The following DDR2 variants were observed in gnomAD, a reference collection of about 807,000 sequenced individuals.
The protein encoded by DDR2 is discoidin domain-containing receptor 2.
A neutral mutation model predicts 94.9 loss-of-function variants in DDR2; 27 were observed. That is an observed-to-expected ratio of 0.28 (90% CI 0.21 to 0.39). DDR2 has a LOEUF of 0.39. DDR2 is among the 10% of genes least tolerant of loss of function. The probability of loss-of-function intolerance (pLI) is 1.00; values close to 1 mark genes in which losing one functional copy is unlikely to be tolerated. For missense variants in DDR2, 783 were observed against 1,076.0 expected, an observed-to-expected ratio of 0.73 and a Z score of 3.81; for synonymous variants, 382 against 377.2, an observed-to-expected ratio of 1.01 and a Z score of -0.15.
rs746222605 is a variant in DDR2, at chr1:162,770,659, C to G, written c.1504+147C>G. On this transcript the variant is annotated intron_variant, in intron 12 of 17. Coordinates refer to ENST00000367921, the MANE Select transcript of DDR2 (RefSeq NM_006182.4). ...TCCACATTCTCTTTCTAGATTTGGT[C>G]TGCCGCTGCTCCTGGCCTAATTTGA... The G allele has an allele frequency of 3.5e-5, 30 of 848,872 alleles. No homozygotes were observed. In the South Asian group the frequency reaches 4.2e-4, roughly 12 times the overall value. 52.6% of individuals were successfully genotyped at this position (848,872 alleles called of 1,614,324 possible).
chr1:162,755,966 C>T (rs1423441259), intron 7 of DDR2, among the ~76,000 whole-genome samples, 197 bp downstream of exon 7: 1 of 152,098 alleles, frequency 6.6e-6, no homozygotes, highest in Non-Finnish European at 1.5e-5. Flanking sequence ...TTTGGGAAGA[C>T]AAGTTAATTA....
chr1:162,780,399 C>G lies in DDR2; in HGVS notation c.*153C>G. On this transcript the variant is annotated 3_prime_UTR_variant, in exon 18 of 18. Transcript: ENST00000367921. Reference sequence around the variant, plus strand: ...CCTCTTTTCCTGGTCACCCCCACTCCCTACCCCTGACTCATATACACTTTT... The same window carrying G: ...CCTCTTTTCCTGGTCACCCCCACTCGCTACCCCTGACTCATATACACTTTT... 8.9e-7 allele frequency: 1 copy of G among 1,124,956 alleles called. No homozygotes were observed. The highest frequency in any genetic ancestry group is 1.6e-5 in the African/African-American group (1 of 63,258). The allele number at this position is 1,124,956 out of a possible 1,614,324, so 69.7% of individuals were successfully genotyped here. A position where few individuals can be genotyped will look rare whatever the true frequency, so the allele number is the denominator to read the frequency against.
At chr1:162,762,006 A>G (rs1663770024) in intron 9 of DDR2, among the ~76,000 whole-genome samples, 1 of 152,212 alleles carries the variant, frequency 6.6e-6, no homozygotes, top group Non-Finnish European at 1.5e-5. Context: ...CCATGATAAC[A>G]TCTAACAACC....
intron 1 of DDR2, among the ~76,000 whole-genome samples, chr1:162,640,818 A>G (rs997168617): frequency 1.3e-5 from 2 of 152,228 alleles, no homozygotes; most frequent in African/African-American, 4.8e-5. Flanking sequence ...TCTTCAAATT[A>G]TAATAACTAT....
At position 162,742,606 on chromosome 1, in the gene DDR2, T is replaced by C. The variant is rs76151634; in HGVS notation, c.83-10489T>C. Among the ~76,000 whole-genome samples, 765 of 148,898 alleles carry C rather than the reference T, an allele frequency of 5.1e-3. 7 individuals are homozygous for C. The highest frequency in any genetic ancestry group is 0.019 in the African/African-American group (743 of 39,968). ...CCCATGATCCAAACACCCTACCTCC[T>C]CTCCCACCCACCAGCCCCCACCTCC... is the stretch of plus-strand genomic sequence containing the variant. On this transcript the variant is annotated intron_variant, in intron 3 of 17. Transcript: ENST00000367921.
At chr1:162,694,609 G>A (rs989713823) in intron 2 of DDR2, among the ~76,000 whole-genome samples, 1 of 152,012 alleles carries the variant, frequency 6.6e-6, no homozygotes, top group Non-Finnish European at 1.5e-5. Context: ...AGCCTCCCAT[G>A]AAACTCTAAG....
rs754528011 is a variant in DDR2 at position 162,725,226 on chromosome 1, A to G, written c.82+6081A>G. 2.2e-4 allele frequency among the ~76,000 whole-genome samples: 34 copies of G among 152,344 alleles called. 1 individual carries two copies. Among genetic ancestry groups the G allele is most frequent in the Middle Eastern group, 6.8e-3 (2 of 294 alleles). ...AGAGGAGAAAGTGAGGCCAAGAAACATTAGGTAACTCATAGCAGGTTACAG... is the reference window on the plus strand; with the variant it reads ...AGAGGAGAAAGTGAGGCCAAGAAACGTTAGGTAACTCATAGCAGGTTACAG... On this transcript the variant is annotated intron_variant, in intron 3 of 17. Transcript: ENST00000367921.
At chr1:162,678,375 G>A (rs1242657184) in intron 2 of DDR2, among the ~76,000 whole-genome samples, 3 of 152,214 alleles carry the variant, frequency 2.0e-5, no homozygotes, top group Non-Finnish European at 4.4e-5. Flanking sequence ...GCATGACGCA[G>A]AGTAAACACG....
At chr1:162,692,379 C>T (rs1206002749) in intron 2 of DDR2, among the ~76,000 whole-genome samples, 1 of 152,132 alleles carries the variant, frequency 6.6e-6, no homozygotes. Context: ...AAGGAAAAGG[C>T]AAACAATGGA....
At position 162,760,969 on chromosome 1, in the gene DDR2, TA is replaced by T. The variant is rs906462567; in HGVS notation, c.856-231del. On this transcript the variant is annotated intron_variant, in intron 8 of 17. Coordinates refer to ENST00000367921, the MANE Select transcript of DDR2 (RefSeq NM_006182.4). ...TATTCTCATTTAGAAATGAGATTTC[TA>T]AAAAAAAAAATGAAATTGTTTTAGA... Among the ~76,000 whole-genome samples the T allele has an allele frequency of 8.6e-4, 126 of 147,296 alleles. 1 individual carries two copies. Among genetic ancestry groups the T allele is most frequent in the African/African-American group, 2.2e-3 (89 of 40,222 alleles).
intron 2 of DDR2, among the ~76,000 whole-genome samples, chr1:162,686,869 C>T (rs768618518): frequency 4.6e-5 from 7 of 152,238 alleles, no homozygotes; most frequent in Non-Finnish European, 8.8e-5. Context: ...TGAGCCACCA[C>T]GCCTGGCCTA....
At chr1:162,677,126 C>T (rs1659168494) in intron 2 of DDR2, among the ~76,000 whole-genome samples, 1 of 152,140 alleles carries the variant, frequency 6.6e-6, no homozygotes, top group Non-Finnish European at 1.5e-5. Flanking sequence ...ATCCCAGGAG[C>T]ACACGAGGAA....
In DDR2 at chr1:162,727,903, T is replaced by A. The variant is rs1571251348; in HGVS notation, c.82+8758T>A. On this transcript the variant is annotated intron_variant, in intron 3 of 17. Transcript: ENST00000367921. ...GAGGGCTATCTTGCCACATCCATACTCTTCAGAGACCCACAGGCCAGGACC... is the reference window on the plus strand; with the variant it reads ...GAGGGCTATCTTGCCACATCCATACACTTCAGAGACCCACAGGCCAGGACC... Among the ~76,000 whole-genome samples, 3 of 148,298 alleles carry A rather than the reference T, an allele frequency of 2.0e-5. No homozygotes were observed. The South Asian group carries it at 6.3e-4, about 31-fold the overall frequency.
At chr1:162,725,016 G>T (rs1260979079) in intron 3 of DDR2, among the ~76,000 whole-genome samples, 2 of 152,108 alleles carry the variant, frequency 1.3e-5, no homozygotes, top group Non-Finnish European at 1.5e-5. Context: ...AAACTCATCT[G>T]CCCCTTGAGC....
At chr1:162,675,797 A>T (rs1259074988) in intron 2 of DDR2, among the ~76,000 whole-genome samples, 1 of 152,150 alleles carries the variant, frequency 6.6e-6, no homozygotes, top group African/African-American at 2.4e-5. Flanking sequence ...TGGCTGCAGA[A>T]AAGAGGATGG....
chr1:162,767,678 TA>T (rs1048062267), intron 11 of DDR2, among the ~76,000 whole-genome samples: 2 of 151,784 alleles, frequency 1.3e-5, no homozygotes, highest in African/African-American at 2.4e-5. Flanking sequence ...CATCCATATT[TA>T]AAAAAAAATT....
At chr1:162,639,612 T>C (rs1657023947) in intron 1 of DDR2, among the ~76,000 whole-genome samples, 1 of 152,220 alleles carries the variant, frequency 6.6e-6, no homozygotes, top group Non-Finnish European at 1.5e-5. Context: ...AAAGGCACTA[T>C]CTGTGAAAGA....
intron 5 of DDR2, 125 bp from the exon 6 acceptor site, chr1:162,755,031 A>C: frequency 1.4e-6 from 2 of 1,473,912 alleles, no homozygotes; most frequent in Non-Finnish European, 1.9e-6. Context: ...GCTGTGGGGA[A>C]AGCAGAGTAG....
chr1:162,679,611 A>G (rs1659301787), intron 2 of DDR2, among the ~76,000 whole-genome samples: 1 of 152,164 alleles, frequency 6.6e-6, no homozygotes, highest in Non-Finnish European at 1.5e-5. Context: ...TGCAATGAAC[A>G]TGTGTCTTTA....
Sources: gnomAD v4.1 joint callset for allele counts (sites outside exome capture counted in the v4.1 genomes callset) on GRCh38, gnomAD v4.1.1 for gene constraint, MANE v1.5 for transcripts, NCBI Gene and HGNC (gene_info 2026-07-23, HGNC 2026-07-21) for gene names.